The following LGALS14 variants were observed in gnomAD, a reference collection of about 807,000 sequenced individuals.
The protein encoded by LGALS14 is placental protein 13-like.
In LGALS14, 14 loss-of-function variants were observed where a neutral mutation model predicts 14.6. The observed-to-expected ratio is 0.96, with a 90% confidence interval of 0.64 to 1.50. The LOEUF (loss-of-function observed/expected upper bound fraction) is 1.50, where lower values mean the gene tolerates loss of function less well. Ranked by LOEUF, LGALS14 falls within the 40% of genes most tolerant of loss-of-function variation. The pLI, the probability that LGALS14 is intolerant of heterozygous loss-of-function variation, is 0.00. For missense variants in LGALS14, 180 were observed against 172.0 expected, an observed-to-expected ratio of 1.05 and a Z score of -0.26; for synonymous variants, 57 against 63.9, an observed-to-expected ratio of 0.89 and a Z score of 0.51.
rs953302480 is a variant in LGALS14, at chr19:39,707,097, G to C, written c.93-81G>C. The C allele has an allele frequency of 9.8e-6, 11 of 1,123,664 alleles. No homozygotes were observed. In the African/African-American group the frequency reaches 1.7e-4, roughly 17 times the overall value. 69.6% of individuals were successfully genotyped at this position (1,123,664 alleles called of 1,614,324 possible). On this transcript the variant is annotated intron_variant, in intron 2 of 3. Transcript: ENST00000392052. ...GAGACTTTTTGCCCTGGGTAAAGGGGGGAAGGGATTTGTGTGTGTGGCGAG... is the reference window on the plus strand; with the variant it reads ...GAGACTTTTTGCCCTGGGTAAAGGGCGGAAGGGATTTGTGTGTGTGGCGAG...
Position 39,707,327 on chromosome 19 carries a change from T to C in LGALS14, c.242T>C (p.Leu81Ser). 6.2e-7 allele frequency: 1 copy of C among 1,614,138 alleles called. No homozygotes were observed. The highest frequency in any genetic ancestry group is 8.5e-7 in the Non-Finnish European group (1 of 1,179,952). The change falls in exon 3 of 4, where the codon TTA becomes TCA. Residue 81 changes from leucine to serine, a missense_variant. Transcript: ENST00000392052. Reference sequence around the variant, plus strand: ...AGATATGAGGAGAAATGCTACTATTTACCCTTTGAAGATGGCAAACCATTT... The same window carrying C: ...AGATATGAGGAGAAATGCTACTATTCACCCTTTGAAGATGGCAAACCATTT... ...IWRYEEKCYY[L>S]PFEDGKPFEL...
intron 1 of LGALS14, 70 bp from the exon 2 acceptor site, chr19:39,706,527 T>C: frequency 8.9e-7 from 1 of 1,125,462 alleles, no homozygotes; most frequent in Non-Finnish European, 1.3e-6. Flanking sequence ...TCCTGCACCA[T>C]GGGAATCTGT....
At position 39,707,400 on chromosome 19, in the gene LGALS14, A is replaced by G; in HGVS notation, c.303+12A>G. ...ACAAGGAATACAAGGTGAGTACTTC[A>G]GGATCTTCCAGCGCTGGAGCTCTGT... On this transcript the variant is annotated intron_variant, in intron 3 of 3. Coordinates refer to ENST00000392052, the MANE Select transcript of LGALS14 (RefSeq NM_020129.3). 1 of 1,607,458 alleles carries G rather than the reference A, an allele frequency of 6.2e-7. No individual in the cohort carries two copies. Among genetic ancestry groups the G allele is most frequent in the African/African-American group, 1.3e-5 (1 of 74,932 alleles).
At chr19:39,705,184 C>T (rs1393581440) in intron 1 of LGALS14, among the ~76,000 whole-genome samples, 1 of 152,122 alleles carries the variant, frequency 6.6e-6, no homozygotes, top group African/African-American at 2.4e-5. Context: ...ACCAAGGACT[C>T]GTTTCAGATC....
rs555819746 is a variant in LGALS14, at chr19:39,706,077, G to T, written c.16-520G>T. The T allele has an allele frequency of 6.9e-6, 11 of 1,594,862 alleles. No individual in the cohort carries two copies. The South Asian group carries it at 1.2e-4, about 18-fold the overall frequency. On this transcript the variant is annotated intron_variant, in intron 1 of 3. Coordinates refer to ENST00000392052, the MANE Select transcript of LGALS14 (RefSeq NM_020129.3). ...CATTTCCCTTTCTCTTTCAACAAGT[G>T]TTGTTTCTCACTGGAGTGAATTTTT...
Position 39,709,237 on chromosome 19 carries a change from G to A in LGALS14, c.344G>A (p.Arg115Gln), listed in dbSNP as rs756014059. 32 of 1,613,470 alleles carry A rather than the reference G, an allele frequency of 2.0e-5. No individual in the cohort carries two copies. The highest frequency in any genetic ancestry group is 4.4e-5 in the South Asian group (4 of 91,060). The stretch of plus-strand genomic sequence containing the variant: ...CAACGCATTTACAACTTTGCCCATC[G>A]ATTCCCGCCAGCATCTGTGAAGATG... Reference protein sequence around the residue: ...NGQRIYNFAHRFPPASVKMLQ... With the variant: ...NGQRIYNFAHQFPPASVKMLQ... Residue 115 changes from arginine to glutamine, a missense_variant, in exon 4 of 4, where the codon CGA becomes CAA. By Grantham distance (43) the Arg-to-Gln change is conservative. Coordinates refer to ENST00000392052, the MANE Select transcript of LGALS14 (RefSeq NM_020129.3).
chr19:39,707,371 C>A lies in LGALS14; in HGVS notation c.286C>A (p.Arg96Ser), dbSNP rs1347974912. 1.2e-6 allele frequency: 2 copies of A among 1,613,780 alleles called. No individual in the cohort carries two copies. The highest frequency in any genetic ancestry group is 4.5e-5 in the East Asian group (2 of 44,888). The part of the protein sequence containing the change: ...GKPFELCIYV[R>S]HKEYKVMVNG... ...ACCATTTGAGCTGTGCATCTATGTG[C>A]GTCACAAGGAATACAAGGTGAGTAC... is the stretch of plus-strand genomic sequence containing the variant. The change falls in exon 3 of 4, where the codon CGT (arginine) becomes AGT (serine). Residue 96 changes from arginine (R) to serine (S), a missense_variant. Physicochemically the swap from Arg to Ser is moderately radical, Grantham distance 110 (BLOSUM62 -1). Coordinates refer to ENST00000392052, the MANE Select transcript of LGALS14 (RefSeq NM_020129.3).
At chr19:39,706,122 T>C in intron 1 of LGALS14, 3 of 1,441,428 alleles carry the variant, frequency 2.1e-6, no homozygotes, top group Non-Finnish European at 1.9e-6. Flanking sequence ...CACCCTCAAG[T>C]CTTGTTTTCA....
At position 39,709,364 on chromosome 19, in the gene LGALS14, C is replaced by T; in HGVS notation, c.*51C>T. 9.6e-7 allele frequency: 1 copy of T among 1,037,928 alleles called. No individual in the cohort carries two copies. The highest frequency in any genetic ancestry group is 1.5e-6 in the Non-Finnish European group (1 of 658,864). The allele number at this position is 1,037,928 out of a possible 1,614,324, so 64.3% of individuals were successfully genotyped here. On this transcript the variant is annotated 3_prime_UTR_variant, in exon 4 of 4. Coordinates refer to ENST00000392052, the MANE Select transcript of LGALS14 (RefSeq NM_020129.3). ...TGAGGAATCCCTCTTTCTACCTGAC[C>T]ATGGGATTCCCAGAGCCTACTAACA...
At chr19:39,706,989 G>A (rs1430488391) in intron 2 of LGALS14, among the ~76,000 whole-genome samples, 189 bp from the exon 3 acceptor site, 6 of 152,242 alleles carry the variant, frequency 3.9e-5, no homozygotes, top group African/African-American at 1.4e-4. Flanking sequence ...TTTGTCTGGG[G>A]ATGAGGAACA....
chr19:39,706,453 G>T (rs1973715866), intron 1 of LGALS14, 144 bp from the exon 2 acceptor site: 2 of 656,990 alleles, frequency 3.0e-6, no homozygotes, highest in Non-Finnish European at 5.5e-6. Flanking sequence ...TCAGGAATAT[G>T]GGGCCCTGAC....
At chr19:39,705,995 C>T in intron 1 of LGALS14, 1 of 1,613,848 alleles carries the variant, frequency 6.2e-7, no homozygotes, top group Non-Finnish European at 8.5e-7. Flanking sequence ...ACGTCCATTG[C>T]CCTTGATGAT....
At chr19:39,708,845 C>T (rs3922304) in intron 3 of LGALS14, among the ~76,000 whole-genome samples, 38,509 of 152,086 alleles carry the variant, frequency 0.25, 5,650 homozygotes, top group Non-Finnish European at 0.35. Context: ...AACATGGCCT[C>T]GCACTAACCC....
rs769020180 is a variant in LGALS14 at position 39,707,355 on chromosome 19, G to A, written c.270G>A (p.Glu90=). 3 of 1,614,078 alleles carry A rather than the reference G, an allele frequency of 1.9e-6. No homozygotes were observed. Among genetic ancestry groups the A allele is most frequent in the South Asian group, 1.1e-5 (1 of 91,080 alleles). The change falls in exon 3 of 4, where the codon GAG becomes GAA. Residue 90 remains glutamate (E), a synonymous_variant. Transcript: ENST00000392052. The part of the protein sequence containing the change: ...YLPFEDGKPF[E]LCIYVRHKEY... Reference sequence around the variant, plus strand: ...CCTTTGAAGATGGCAAACCATTTGAGCTGTGCATCTATGTGCGTCACAAGG... The same window carrying A: ...CCTTTGAAGATGGCAAACCATTTGAACTGTGCATCTATGTGCGTCACAAGG...
rs188359060 is a variant in LGALS14, at chr19:39,708,068, C to G, written c.303+680C>G. ...TGTGTGATTTGCTCACCTTGGCCTC[C>G]CAAAATACTGGGATTACAGGCATAA... is the stretch of plus-strand genomic sequence containing the variant. On this transcript the variant is annotated intron_variant, in intron 3 of 3. Transcript: ENST00000392052. Among the ~76,000 whole-genome samples, 7 of 152,300 alleles carry G rather than the reference C, an allele frequency of 4.6e-5. No individual in the cohort carries two copies. The East Asian group carries it at 1.4e-3, about 29-fold the overall frequency.
At chr19:39,704,605 G>A in intron 1 of LGALS14, 62 bp downstream of exon 1, 1 of 1,555,446 alleles carries the variant, frequency 6.4e-7, no homozygotes, top group South Asian at 1.1e-5. Context: ...AAGAAACAGG[G>A]GAGGTTTTCT....
intron 1 of LGALS14, chr19:39,706,013 C>A (rs745729402): frequency 6.2e-7 from 1 of 1,613,500 alleles, no homozygotes; most frequent in African/African-American, 1.3e-5. Flanking sequence ...GATTGTGGTG[C>A]GTGTACATCC....
At chr19:39,707,512 T>G in intron 3 of LGALS14, 124 bp downstream of exon 3, 1 of 782,512 alleles carries the variant, frequency 1.3e-6, no homozygotes, top group East Asian at 2.5e-5. Context: ...CTGTTTCAGG[T>G]TTTCATCACA....
rs944500081 is a variant in LGALS14, at chr19:39,705,926, C to T, written c.16-671C>T. The T allele has an allele frequency of 6.2e-7, 1 of 1,613,732 alleles. No homozygotes were observed. Among genetic ancestry groups the T allele is most frequent in the Non-Finnish European group, 8.5e-7 (1 of 1,179,828 alleles). ...TCCAGTTATGTCCCTGACCCACAGG[C>T]TTCATTTGTGCAAGTACTGGGGCTG... On this transcript the variant is annotated intron_variant, in intron 1 of 3. Coordinates refer to ENST00000392052, the MANE Select transcript of LGALS14 (RefSeq NM_020129.3).
Sources: gnomAD v4.1 joint callset for allele counts (sites outside exome capture counted in the v4.1 genomes callset) on GRCh38, gnomAD v4.1.1 for gene constraint, MANE v1.5 for transcripts, NCBI Gene and HGNC (gene_info 2026-07-23, HGNC 2026-07-21) for gene names.